The following SDK1 variants were observed in gnomAD, a reference collection of about 807,000 sequenced individuals.
The protein encoded by SDK1 is protein sidekick-1.
In SDK1, 157 loss-of-function variants were observed where a neutral mutation model predicts 245.5. The observed-to-expected ratio is 0.64, with a 90% confidence interval of 0.56 to 0.73. The LOEUF (loss-of-function observed/expected upper bound fraction) is 0.73, where lower values mean the gene tolerates loss of function less well. Among genes scored for constraint, SDK1 ranks in the 30% least tolerant of loss-of-function variants. The probability of loss-of-function intolerance (pLI) is 0.00; values close to 1 mark genes in which losing one functional copy is unlikely to be tolerated. For missense variants in SDK1, 3,583 were observed against 3,002.3 expected, an observed-to-expected ratio of 1.19 and a Z score of -4.52; for synonymous variants, 1,647 against 1,278.5, an observed-to-expected ratio of 1.29 and a Z score of -6.15.
chr7:4,081,125 G>A (rs898173683), intron 22 of SDK1, among the ~76,000 whole-genome samples: 1 of 152,224 alleles, frequency 6.6e-6, no homozygotes, highest in African/African-American at 2.4e-5. Context: ...GCAGGCTTTA[G>A]AATGTGGTGT....
chr7:4,208,522 G>A (rs1472862050), intron 37 of SDK1, among the ~76,000 whole-genome samples: 1 of 152,234 alleles, frequency 6.6e-6, no homozygotes, highest in Non-Finnish European at 1.5e-5. Flanking sequence ...TTGGAGCAAT[G>A]CATGCTTTTT....
chr7:3,835,258 C>T (rs1006781204), intron 5 of SDK1, among the ~76,000 whole-genome samples: 22 of 152,246 alleles, frequency 1.4e-4, no homozygotes, highest in African/African-American at 5.1e-4. Context: ...AGATAGAAGG[C>T]GTGTCCACAT....
At chr7:3,896,834 T>C (rs912550029) in intron 5 of SDK1, among the ~76,000 whole-genome samples, 2 of 152,206 alleles carry the variant, frequency 1.3e-5, no homozygotes, top group African/African-American at 4.8e-5. Flanking sequence ...TAGCAAAATA[T>C]ACATGTATTA....
chr7:3,323,444 G>T (rs976651143), intron 1 of SDK1, among the ~76,000 whole-genome samples: 4 of 152,202 alleles, frequency 2.6e-5, no homozygotes, highest in African/African-American at 9.7e-5. Flanking sequence ...TGGGCCATAA[G>T]ATGTGTAGAG....
intron 1 of SDK1, among the ~76,000 whole-genome samples, chr7:3,400,925 G>C (rs1778872031): frequency 6.6e-6 from 1 of 152,088 alleles, no homozygotes; most frequent in Non-Finnish European, 1.5e-5. Context: ...GTCTCGTGTA[G>C]GTCTGCCTCA....
At chr7:4,100,307 T>TCCCC (rs2128186895) in intron 22 of SDK1, among the ~76,000 whole-genome samples, 1 of 152,258 alleles carries the variant, frequency 6.6e-6, no homozygotes, top group African/African-American at 2.4e-5. Context: ...AGACATGGCC[T>TCCCC]CCAGGAGAAG....
At chr7:4,011,207 C>A (rs1416075164) in intron 15 of SDK1, 94 bp downstream of exon 15, 3 of 1,455,036 alleles carry the variant, frequency 2.1e-6, no homozygotes, top group Non-Finnish European at 2.8e-6. Context: ...TTGATCACAG[C>A]AACCCGCTGG....
chr7:3,588,974 A>G (rs1278700669), intron 1 of SDK1, among the ~76,000 whole-genome samples: 8 of 152,250 alleles, frequency 5.3e-5, no homozygotes, highest in Non-Finnish European at 8.8e-5. Flanking sequence ...GGATTTTAGT[A>G]TCTTGACATG....
At chr7:4,147,047 C>T (rs1780032085) in intron 29 of SDK1, among the ~76,000 whole-genome samples, 1 of 152,232 alleles carries the variant, frequency 6.6e-6, no homozygotes, top group Non-Finnish European at 1.5e-5. Flanking sequence ...ACCCTCACCT[C>T]AGCAGCCCCA....
chr7:3,903,449 A>C (rs1200934899), intron 5 of SDK1, among the ~76,000 whole-genome samples: 1 of 151,986 alleles, frequency 6.6e-6, no homozygotes, highest in Non-Finnish European at 1.5e-5. Flanking sequence ...CCCGGCCGAC[A>C]GTTTTTTTCT....
rs1025784860 is a variant in SDK1, at chr7:4,137,322, C to T, written c.4228+4899C>T. 1.3e-4 allele frequency among the ~76,000 whole-genome samples: 20 copies of T among 152,182 alleles called. 1 individual carries two copies. The highest frequency in any genetic ancestry group is 1.3e-3 in the Admixed American group (20 of 15,282). ...AGGCTTTGCAGCCACCTAAAACGTC[C>T]GGATAGAAGTCTCCAAATTGCTCTG... On this transcript the variant is annotated intron_variant, in intron 28 of 44. Transcript: ENST00000404826.
At chr7:3,573,705 A>G (rs1780188470) in intron 1 of SDK1, among the ~76,000 whole-genome samples, 2 of 152,022 alleles carry the variant, frequency 1.3e-5, no homozygotes, top group African/African-American at 2.4e-5. Flanking sequence ...CACTAAAACT[A>G]GAAAGCTGGA....
At chr7:3,855,628 GT>G (rs1780527183) in intron 5 of SDK1, among the ~76,000 whole-genome samples, 1 of 152,178 alleles carries the variant, frequency 6.6e-6, no homozygotes, top group African/African-American at 2.4e-5. Flanking sequence ...AATGACAGGA[GT>G]TTCATAATAA....
At chr7:3,420,792 T>C (rs1337054970) in intron 1 of SDK1, among the ~76,000 whole-genome samples, 1 of 152,204 alleles carries the variant, frequency 6.6e-6, no homozygotes, top group African/African-American at 2.4e-5. Flanking sequence ...GGGCAGGGTG[T>C]GCAGAGTCGT....
At chr7:3,791,019 T>C (rs942430268) in intron 4 of SDK1, among the ~76,000 whole-genome samples, 3 of 152,162 alleles carry the variant, frequency 2.0e-5, no homozygotes, top group Non-Finnish European at 2.9e-5. Flanking sequence ...TTAACCTCTC[T>C]GTGCTTCAGT....
At chr7:3,480,117 T>C (rs575272503) in intron 1 of SDK1, among the ~76,000 whole-genome samples, 1 of 152,222 alleles carries the variant, frequency 6.6e-6, no homozygotes, top group Non-Finnish European at 1.5e-5. Context: ...CATTTCGTTT[T>C]CAAATACAGA....
At chr7:3,824,722 C>T (rs530922293) in intron 5 of SDK1, among the ~76,000 whole-genome samples, 3 of 152,296 alleles carry the variant, frequency 2.0e-5, no homozygotes, top group East Asian at 3.9e-4. Context: ...TTGCTAGATA[C>T]TGTGGCTACA....
At chr7:3,910,226 G>A (rs923030896) in intron 5 of SDK1, among the ~76,000 whole-genome samples, 1 of 152,240 alleles carries the variant, frequency 6.6e-6, no homozygotes, top group African/African-American at 2.4e-5. Context: ...AGCAGAGAGA[G>A]AGGCTGAGCG....
intron 40 of SDK1, among the ~76,000 whole-genome samples, chr7:4,226,215 C>A (rs1022658904): frequency 6.6e-6 from 1 of 152,166 alleles, no homozygotes; most frequent in Non-Finnish European, 1.5e-5. Flanking sequence ...TGAATGGGCC[C>A]CGTTTTGTAT....
Sources: allele counts gnomAD v4.1 joint callset (sites outside exome capture counted in the v4.1 genomes callset), GRCh38; gene constraint gnomAD v4.1.1; transcripts MANE v1.5; gene names NCBI Gene and HGNC (gene_info 2026-07-23, HGNC 2026-07-21).